Variants in SLC25A39 observed in about 807,000 individuals in gnomAD.
The protein encoded by SLC25A39 is mitochondrial glutathione transporter SLC25A39.
In SLC25A39, 44 loss-of-function variants were observed where a neutral mutation model predicts 46.6. The observed-to-expected ratio is 0.94, with a 90% CI of 0.74 to 1.21. SLC25A39 has a LOEUF of 1.21. Ranked by LOEUF, SLC25A39 falls within the 50% of genes most tolerant of loss-of-function variation. The pLI is 0.00. For synonymous variants in SLC25A39, 218 were observed against 190.6 expected (o/e 1.14, Z -1.19); for missense variants, 487 against 473.0 (o/e 1.03, Z -0.28).
Position 44,320,373 on chromosome 17 carries a change from C to A in SLC25A39, c.865G>T (p.Ala289Ser), listed in dbSNP as rs2047985430. The change falls in exon 10 of 12, where the codon GCG (alanine) becomes TCG (serine). Residue 289 changes from alanine (A) to serine (S), a missense_variant. By Grantham distance (99) the Ala-to-Ser change is moderately conservative. Transcript: ENST00000377095. ...CCCTCACCTCTCACAGCCTCCATCG[C>A]TCCCAGAGCGACCTGGCGTTGGGTC... ...VKTQRQVALGAMEAVRVNPLH... is the reference protein window; with the variant it reads ...VKTQRQVALGSMEAVRVNPLH... 6.2e-7 allele frequency: 1 copy of A among 1,613,526 alleles called. No homozygotes were observed.
At chr17:44,320,173 A>G in intron 11 of SLC25A39, 23 bp downstream of exon 11, 1 of 1,613,678 alleles carries the variant, frequency 6.2e-7, no homozygotes, top group Non-Finnish European at 8.5e-7. Flanking sequence ...CCATGCCCCC[A>G]CCCCCGACAC....
At position 44,320,406 on chromosome 17, in the gene SLC25A39, C is replaced by CGT. The variant is rs770710274; in HGVS notation, c.830_831dup (p.Val278ThrfsTer3). ...GCGACCTGGCGTTGGGTCTTTACCA[C>CGT]GTCAAAGGGTAGAGTCAGCACTGCA... is the stretch of plus-strand genomic sequence containing the variant. On this transcript the variant is annotated frameshift_variant, in exon 10 of 12. Coordinates refer to ENST00000377095, the MANE Select transcript of SLC25A39 (RefSeq NM_001143780.3). LOFTEE classifies it high-confidence loss of function. 21 of 1,613,524 alleles carry CGT rather than the reference C, an allele frequency of 1.3e-5. No individual in the cohort carries two copies. The Admixed American group carries it at 1.5e-4, about 12-fold the overall frequency.
chr17:44,320,407 G>A lies in SLC25A39; in HGVS notation c.831C>T (p.Asp277=), dbSNP rs769716055. 17 of 1,613,480 alleles carry A rather than the reference G, an allele frequency of 1.1e-5. No individual in the cohort carries two copies. The highest frequency in any genetic ancestry group is 6.7e-5 in the East Asian group (3 of 44,900). ...TVAAVLTLPF[D]VVKTQRQVAL... ...CGACCTGGCGTTGGGTCTTTACCAC[G>A]TCAAAGGGTAGAGTCAGCACTGCAG... Residue 277 remains aspartate (D), a synonymous_variant, in exon 10 of 12, where the codon GAC becomes GAT. Coordinates refer to ENST00000377095, the MANE Select transcript of SLC25A39 (RefSeq NM_001143780.3).
chr17:44,322,602 G>A, intron 4 of SLC25A39, 50 bp from the exon 5 acceptor site: 1 of 1,595,714 alleles, frequency 6.3e-7, no homozygotes, highest in Non-Finnish European at 8.5e-7. Flanking sequence ...GAACCTTGCA[G>A]GGAGGCAGTG....
chr17:44,323,441 C>CAGG, intron 2 of SLC25A39, 37 bp downstream of exon 2: 6 of 615,130 alleles, frequency 9.8e-6, no homozygotes, highest in Non-Finnish European at 1.6e-5. Flanking sequence ...TCTGCCCCAT[C>CAGG]CCCACCCGCC....
chr17:44,324,810 C>A lies in SLC25A39; in HGVS notation c.-115G>T, dbSNP rs1050940651. 2 of 152,086 alleles carry A rather than the reference C, an allele frequency of 1.3e-5. No homozygotes were observed. Among genetic ancestry groups the A allele is most frequent in the Admixed American group, 1.3e-4 (2 of 15,264 alleles). 9.4% of individuals were successfully genotyped at this position (152,086 alleles called of 1,614,324 possible). ...GCGGTCCGCGCGCGCTCGCAGCGCACCTAGGCCGACGCCGAAAGCAGCCAA... is the reference window on the plus strand; with the variant it reads ...GCGGTCCGCGCGCGCTCGCAGCGCAACTAGGCCGACGCCGAAAGCAGCCAA... On this transcript the variant is annotated 5_prime_UTR_variant, in exon 1 of 12. Transcript: ENST00000377095.
chr17:44,321,653 G>A (rs1402067205), intron 6 of SLC25A39, 47 bp downstream of exon 6: 5 of 1,607,232 alleles, frequency 3.1e-6, no homozygotes, highest in Middle Eastern at 1.7e-4. Context: ...AGGGAGCAAA[G>A]GGTCAGGAAG....
chr17:44,323,415 A>T, intron 2 of SLC25A39, 63 bp downstream of exon 2: 1 of 1,564,370 alleles, frequency 6.4e-7, no homozygotes, highest in Non-Finnish European at 8.7e-7. Flanking sequence ...AGGACCACAC[A>T]GCCTCCAATC....
At chr17:44,321,668 AGAG>A in intron 6 of SLC25A39, 29 bp downstream of exon 6, 1 of 1,608,442 alleles carries the variant, frequency 6.2e-7, no homozygotes, top group Non-Finnish European at 8.5e-7. Flanking sequence ...AGGAAGTACC[AGAG>A]GAGAGTGGTG....
At chr17:44,322,993 G>A in intron 3 of SLC25A39, 141 bp from the exon 4 acceptor site, 3 of 951,344 alleles carry the variant, frequency 3.2e-6, no homozygotes, top group South Asian at 1.6e-5. Context: ...CACAATCTCA[G>A]CTCACTGCAA....
At position 44,319,869 on chromosome 17, in the gene SLC25A39, C is replaced by G; in HGVS notation, c.*132G>C. ...GGCCGCCCAGAGGGACAGCCCTGCC[C>G]TGGAGCTTGTCGCCGGGAGGGAAGG... On this transcript the variant is annotated 3_prime_UTR_variant, in exon 12 of 12. Transcript: ENST00000377095. 1 of 810,102 alleles carries G rather than the reference C, an allele frequency of 1.2e-6. No individual in the cohort carries two copies. Among genetic ancestry groups the G allele is most frequent in the Non-Finnish European group, 2.0e-6 (1 of 505,020 alleles). The allele number at this position is 810,102 out of a possible 1,614,324, so 50.2% of individuals were successfully genotyped here.
Position 44,320,705 on chromosome 17 carries a change from C to T in SLC25A39, c.718G>A (p.Val240Met). 1 of 1,614,068 alleles carries T rather than the reference C, an allele frequency of 6.2e-7. No individual in the cohort carries two copies. The highest frequency in any genetic ancestry group is 8.5e-7 in the Non-Finnish European group (1 of 1,179,986). Residue 240 changes from valine to methionine, a missense_variant, in exon 9 of 12, where the codon GTG becomes ATG. By Grantham distance (21) the Val-to-Met change is conservative. Transcript: ENST00000377095. ...CTGAACCCATTGAGCCAGCTCTTCA[C>T]CAGCTCATAGTTGAACCAGTACAGG... ...SALYWFNYELVKSWLNGFRPK... is the reference protein window; with the variant it reads ...SALYWFNYELMKSWLNGFRPK...
At chr17:44,322,604 G>A in intron 4 of SLC25A39, 52 bp from the exon 5 acceptor site, 1 of 1,595,982 alleles carries the variant, frequency 6.3e-7, no homozygotes, top group South Asian at 1.1e-5. Flanking sequence ...ACCTTGCAGG[G>A]AGGCAGTGGG....
intron 5 of SLC25A39, among the ~76,000 whole-genome samples, chr17:44,322,142 C>T (rs71371987): frequency 0.036 from 5,451 of 152,158 alleles, 172 homozygotes; most frequent in South Asian, 0.1. Flanking sequence ...CCAGCTACTT[C>T]GGAGGCTGAG....
Position 44,319,935 on chromosome 17 carries a change from G to A in SLC25A39, c.*66C>T, listed in dbSNP as rs2047961247. On this transcript the variant is annotated 3_prime_UTR_variant, in exon 12 of 12. Coordinates refer to ENST00000377095, the MANE Select transcript of SLC25A39 (RefSeq NM_001143780.3). Reference sequence around the variant, plus strand: ...CCTCAGTGCTGAGGAAAAGGCACTTGGCTGGGTCTCCTCCTGCCCTCTCCC... The same window carrying A: ...CCTCAGTGCTGAGGAAAAGGCACTTAGCTGGGTCTCCTCCTGCCCTCTCCC... 2.7e-5 allele frequency: 41 copies of A among 1,498,426 alleles called. No homozygotes were observed. Among genetic ancestry groups the A allele is most frequent in the Non-Finnish European group, 3.5e-5 (38 of 1,078,912 alleles). 92.8% of individuals were successfully genotyped at this position (1,498,426 alleles called of 1,614,324 possible). A position where few individuals can be genotyped will look rare whatever the true frequency, so the allele number is the denominator to read the frequency against.
chr17:44,320,325 G>A, intron 10 of SLC25A39, 30 bp downstream of exon 10: 1 of 1,613,426 alleles, frequency 6.2e-7, no homozygotes, highest in Non-Finnish European at 8.5e-7. Context: ...GACCCCACCT[G>A]TCCCCTGCCA....
intron 4 of SLC25A39, 102 bp from the exon 5 acceptor site, chr17:44,322,654 G>A: frequency 7.7e-6 from 12 of 1,562,482 alleles, no homozygotes; most frequent in African/African-American, 1.4e-5. Flanking sequence ...AGGTCCCTGT[G>A]TGGATGTTCT....
chr17:44,320,841 C>T, intron 8 of SLC25A39, 110 bp from the exon 9 acceptor site: 6 of 1,018,082 alleles, frequency 5.9e-6, no homozygotes, highest in Non-Finnish European at 7.3e-6. Context: ...TTGTCTGCTA[C>T]ATGCAGGCTC....
rs760861201 is a variant in SLC25A39, at chr17:44,320,689, T to C, written c.734A>G (p.Asn245Ser). The change falls in exon 9 of 12, where the codon AAT (asparagine) becomes AGT (serine). Residue 245 changes from asparagine (N) to serine (S), a missense_variant. Asn to Ser is a conservative substitution (Grantham distance 46). Transcript: ENST00000377095. ...AGTCTGGTCCTTCGGCCTGAACCCA[T>C]TGAGCCAGCTCTTCACCAGCTCATA... ...FNYELVKSWLNGFRPKDQTSV... is the reference protein window; with the variant it reads ...FNYELVKSWLSGFRPKDQTSV... 7 of 1,613,962 alleles carry C rather than the reference T, an allele frequency of 4.3e-6. No individual in the cohort carries two copies. The highest frequency in any genetic ancestry group is 2.2e-5 in the South Asian group (2 of 91,080).
Sources: allele counts gnomAD v4.1 joint callset (sites outside exome capture counted in the v4.1 genomes callset), GRCh38; gene constraint gnomAD v4.1.1; transcripts MANE v1.5; gene names NCBI Gene and HGNC (gene_info 2026-07-23, HGNC 2026-07-21).